Variants in ATP2C1 observed in about 807,000 individuals in gnomAD.
The protein encoded by ATP2C1 is ATPase secretory pathway Ca2+ transporting 1.
A neutral mutation model predicts 120.5 loss-of-function variants in ATP2C1; 31 were observed. The ratio of observed to expected loss-of-function variants is 0.26; its 90% CI spans 0.19 to 0.35. ATP2C1 has a LOEUF of 0.35. Among genes scored for constraint, ATP2C1 ranks in the 10% least tolerant of loss-of-function variants. The pLI is 1.00. For synonymous variants in ATP2C1, 351 were observed against 358.7 expected, an observed-to-expected ratio of 0.98 and a Z score of 0.24; for missense variants, 731 against 1,107.5, an observed-to-expected ratio of 0.66 and a Z score of 4.83.
chr3:130,878,862 T>C (rs1033165458), intron 1 of ATP2C1, among the ~76,000 whole-genome samples: 1 of 152,190 alleles, frequency 6.6e-6, no homozygotes, highest in Non-Finnish European at 1.5e-5. Context: ...AAATAGAACC[T>C]TTTTGTGTTG....
In ATP2C1 at chr3:131,001,375, A is replaced by C. The variant is rs1393427674; in HGVS notation, c.*25A>C. ...ATGCATATTGCATTATTTTATTTGCAAACTAGGAATTGCAGTCTGAGGATC... is the reference window on the plus strand; with the variant it reads ...ATGCATATTGCATTATTTTATTTGCCAACTAGGAATTGCAGTCTGAGGATC... On this transcript the variant is annotated 3_prime_UTR_variant, in exon 28 of 28. Coordinates refer to ENST00000510168, the MANE Select transcript of ATP2C1 (RefSeq NM_001378687.1). 1 of 1,610,260 alleles carries C rather than the reference A, an allele frequency of 6.2e-7. No individual in the cohort carries two copies.
upstream of ATP2C1, among the ~76,000 whole-genome samples, chr3:130,889,457 C>T (rs745872697): frequency 6.6e-6 from 1 of 152,118 alleles, no homozygotes; most frequent in African/African-American, 2.4e-5. Context: ...CACCTCAACA[C>T]TGTTATCTTT....
At chr3:130,995,968 T>C in intron 22 of ATP2C1, 75 bp from the exon 23 acceptor site, 3 of 986,530 alleles carry the variant, frequency 3.0e-6, no homozygotes, top group Non-Finnish European at 4.8e-6. Flanking sequence ...CAAAATTAGC[T>C]CTACAGTGTT....
intron 20 of ATP2C1, 49 bp downstream of exon 20, chr3:130,980,728 T>C (rs1287075478): frequency 1.5e-6 from 2 of 1,306,406 alleles, no homozygotes; most frequent in African/African-American, 1.5e-5. Context: ...ATTCTAAGTG[T>C]TACCATTTCT....
intron 5 of ATP2C1, 30 bp downstream of exon 5, chr3:130,934,741 GT>G: frequency 7.1e-7 from 1 of 1,408,742 alleles, no homozygotes; most frequent in Non-Finnish European, 1.0e-6. Flanking sequence ...TTTTTAATCT[GT>G]TGAGTAAGTG....
chr3:130,997,325 C>T (rs552294260), intron 24 of ATP2C1, among the ~76,000 whole-genome samples: 4 of 152,052 alleles, frequency 2.6e-5, no homozygotes, highest in African/African-American at 4.8e-5. Flanking sequence ...TATTTCACAC[C>T]GTATTTGAAA....
chr3:130,855,371 G>T (rs1214428918), intron 1 of ATP2C1, among the ~76,000 whole-genome samples: 1 of 152,170 alleles, frequency 6.6e-6, no homozygotes, highest in Non-Finnish European at 1.5e-5. Context: ...TGGAAAAAGG[G>T]GACTTTGTAA....
At chr3:130,872,874 C>G (rs530314347) in intron 1 of ATP2C1, among the ~76,000 whole-genome samples, 1 of 151,990 alleles carries the variant, frequency 6.6e-6, no homozygotes, top group Non-Finnish European at 1.5e-5. Context: ...TGAGCCACTG[C>G]GCCCAGCTTG....
chr3:130,928,405 C>T (rs1276638500), intron 2 of ATP2C1: 2 of 152,124 alleles, frequency 1.3e-5, no homozygotes, highest in African/African-American at 4.8e-5. Context: ...TGGAATACCC[C>T]CAAAGGGTTT....
rs141931429 is a variant in ATP2C1 at position 130,934,111 on chromosome 3, C to G, written c.235-511C>G. On this transcript the variant is annotated intron_variant, in intron 4 of 27. Coordinates refer to ENST00000510168, the MANE Select transcript of ATP2C1 (RefSeq NM_001378687.1). ...ATGATTTGCTGTGGTAGATAGAAAC[C>G]AGGAAAGCTAGCCTTGAGGAAAATC... Among the ~76,000 whole-genome samples the G allele has an allele frequency of 2.9e-3, 444 of 152,220 alleles. 1 individual carries two copies. Among genetic ancestry groups the G allele is most frequent in the African/African-American group, 0.01 (419 of 41,544 alleles).
At chr3:130,970,161 T>C (rs1345210019) in intron 17 of ATP2C1, among the ~76,000 whole-genome samples, 1 of 151,962 alleles carries the variant, frequency 6.6e-6, no homozygotes, top group South Asian at 2.1e-4. Context: ...GTACTAAAAA[T>C]ACAAAAATTA....
intron 12 of ATP2C1, 64 bp downstream of exon 12, chr3:130,959,405 C>A: frequency 9.0e-7 from 1 of 1,116,852 alleles, no homozygotes; most frequent in Non-Finnish European, 1.4e-6. Flanking sequence ...ATGGACATAG[C>A]TTACGTTTTA....
At chr3:130,924,669 A>C (rs1211637617) in intron 2 of ATP2C1, among the ~76,000 whole-genome samples, 1 of 152,136 alleles carries the variant, frequency 6.6e-6, no homozygotes, top group Admixed American at 6.5e-5. Flanking sequence ...ATGTTTTCCA[A>C]ACTTTCAAAT....
At chr3:130,967,929 C>T (rs879872601) in intron 16 of ATP2C1, among the ~76,000 whole-genome samples, 4 of 152,004 alleles carry the variant, frequency 2.6e-5, no homozygotes, top group Non-Finnish European at 5.9e-5. Context: ...TTCATCTGTC[C>T]CAATCCGTCT....
At chr3:130,877,133 A>C (rs2068629456) in intron 1 of ATP2C1, among the ~76,000 whole-genome samples, 1 of 152,122 alleles carries the variant, frequency 6.6e-6, no homozygotes, top group Non-Finnish European at 1.5e-5. Context: ...GTCTGATATA[A>C]GTATAGCTAC....
At chr3:130,941,809 T>A (rs998961581) in intron 8 of ATP2C1, 110 bp downstream of exon 8, 54 of 966,768 alleles carry the variant, frequency 5.6e-5, no homozygotes, top group Admixed American at 2.2e-4. Context: ...CCATTTGGTA[T>A]TCTACTTTAA....
intron 1 of ATP2C1, chr3:130,856,025 C>A (rs2067830157): frequency 1.3e-5 from 2 of 151,970 alleles, no homozygotes; most frequent in East Asian, 3.9e-4. Flanking sequence ...GCTGATCTGA[C>A]AAGTCTTGCC....
chr3:130,904,544 C>T (rs2058036707), intron 2 of ATP2C1, among the ~76,000 whole-genome samples: 1 of 151,852 alleles, frequency 6.6e-6, no homozygotes, highest in Non-Finnish European at 1.5e-5. Context: ...ACTGCTTTTT[C>T]CTTTGTAATA....
At position 131,001,862 on chromosome 3, in the gene ATP2C1, A is replaced by G. The variant is rs1230846324; in HGVS notation, c.*512A>G. 3.0e-6 allele frequency: 3 copies of G among 985,820 alleles called. No individual in the cohort carries two copies. Among genetic ancestry groups the G allele is most frequent in the African/African-American group, 3.5e-5 (2 of 57,226 alleles). The allele number at this position is 985,820 out of a possible 1,614,324, so 61.1% of individuals were successfully genotyped here. On this transcript the variant is annotated 3_prime_UTR_variant, in exon 28 of 28. Coordinates refer to ENST00000510168, the MANE Select transcript of ATP2C1 (RefSeq NM_001378687.1). The stretch of plus-strand genomic sequence containing the variant: ...TTTTCTTGTAATGTAAGCAGCTCAG[A>G]TACCATGTGCTATCATTTTTGTATC...
Sources: allele counts gnomAD v4.1 joint callset (sites outside exome capture counted in the v4.1 genomes callset), GRCh38; gene constraint gnomAD v4.1.1; transcripts MANE v1.5; gene names NCBI Gene and HGNC (gene_info 2026-07-23, HGNC 2026-07-21).